The following PPP4R3A variants were observed in gnomAD, a reference collection of about 807,000 sequenced individuals.
PPP4R3A encodes the protein serine/threonine-protein phosphatase 4 regulatory subunit 3A.
A neutral mutation model predicts 91.7 loss-of-function variants in PPP4R3A; 15 were observed. That is an observed-to-expected ratio of 0.16 (90% CI 0.11 to 0.25). PPP4R3A has a LOEUF of 0.25. Ranked by LOEUF, PPP4R3A falls within the 10% of genes least tolerant of loss-of-function variation. The probability of loss-of-function intolerance (pLI) is 1.00; values close to 1 mark genes in which losing one functional copy is unlikely to be tolerated. For missense variants in PPP4R3A, 623 were observed against 998.4 expected, an observed-to-expected ratio of 0.62 and a Z score of 5.07; for synonymous variants, 377 against 348.7, an observed-to-expected ratio of 1.08 and a Z score of -0.91.
intron 6 of PPP4R3A, 145 bp downstream of exon 6, chr14:91,476,263 T>C: frequency 2.7e-6 from 2 of 741,368 alleles, no homozygotes; most frequent in Non-Finnish European, 4.4e-6. Flanking sequence ...CTGTCTAATA[T>C]TGGAATTTTA....
rs1205303479 is a variant in PPP4R3A at position 91,458,706 on chromosome 14, G to T, written c.*53C>A. ...TTGTTGTGGATTTTGTATGGGGGAG[G>T]GGTGGAGAACCAGTTTTTTTCAACA... is the stretch of plus-strand genomic sequence containing the variant. On this transcript the variant is annotated 3_prime_UTR_variant, in exon 15 of 15. Transcript: ENST00000554943. 3 of 1,613,156 alleles carry T rather than the reference G, an allele frequency of 1.9e-6. No individual in the cohort carries two copies. The African/African-American group carries it at 4.0e-5, about 22-fold the overall frequency.
Position 91,475,936 on chromosome 14 carries a change from C to T in PPP4R3A, c.1141G>A (p.Ala381Thr). Reference sequence around the variant, plus strand: ...ACCAAGTATGAGAATATATCAGTAGCAGCACTTCGCACCTGTGTATCATCC... The same window carrying T: ...ACCAAGTATGAGAATATATCAGTAGTAGCACTTCGCACCTGTGTATCATCC... ...GMDDTQVRSA[A>T]TDIFSYLVEY... The change falls in exon 7 of 15, where the codon GCT (alanine) becomes ACT (threonine). Residue 381 changes from alanine (A) to threonine (T), a missense_variant. Ala to Thr is a moderately conservative substitution (Grantham distance 58, BLOSUM62 0). Around this residue, in one of 5 missense-constraint regions of PPP4R3A, gnomAD observed 264 missense variants for 377.3 expected, o/e 0.70. Transcript: ENST00000554943. 6.2e-7 allele frequency: 1 copy of T among 1,605,284 alleles called. No individual in the cohort carries two copies. The highest frequency in any genetic ancestry group is 8.5e-7 in the Non-Finnish European group (1 of 1,177,642).
chr14:91,468,082 T>C (rs1350985419), intron 10 of PPP4R3A, among the ~76,000 whole-genome samples: 1 of 152,168 alleles, frequency 6.6e-6, no homozygotes. Flanking sequence ...GTTAGGAAGA[T>C]ACTTATATAT....
chr14:91,472,499 G>A (rs1057067842), intron 9 of PPP4R3A, among the ~76,000 whole-genome samples: 3 of 140,196 alleles, frequency 2.1e-5, no homozygotes, highest in East Asian at 4.1e-4. Flanking sequence ...TCACTCTGTC[G>A]CCCAGGCTGG....
At chr14:91,485,818 T>A in intron 2 of PPP4R3A, 88 bp from the exon 3 acceptor site, 1 of 882,078 alleles carries the variant, frequency 1.1e-6, no homozygotes, top group Non-Finnish European at 1.7e-6. Flanking sequence ...ACTGTGCTCA[T>A]TTTTACTTTT....
chr14:91,498,615 A>C (rs1162836075), intron 1 of PPP4R3A, among the ~76,000 whole-genome samples: 2 of 152,058 alleles, frequency 1.3e-5, no homozygotes, highest in Non-Finnish European at 2.9e-5. Flanking sequence ...GGATCACTTA[A>C]GCCTGGCTAA....
intron 11 of PPP4R3A, 140 bp downstream of exon 11, chr14:91,465,110 T>A: frequency 1.5e-6 from 1 of 663,788 alleles, no homozygotes; most frequent in Non-Finnish European, 2.2e-6. Flanking sequence ...TTGACTCAAA[T>A]CTCTCACAGG....
chr14:91,497,402 A>T (rs1890647457), intron 1 of PPP4R3A, among the ~76,000 whole-genome samples: 1 of 151,806 alleles, frequency 6.6e-6, no homozygotes, highest in African/African-American at 2.4e-5. Context: ...CACACATCTG[A>T]GAAAGACATT....
In PPP4R3A at chr14:91,509,902, C is replaced by T; in HGVS notation, c.-255G>A. The T allele has an allele frequency of 9.3e-7, 1 of 1,070,852 alleles. No homozygotes were observed. Among genetic ancestry groups the T allele is most frequent in the South Asian group, 4.4e-5 (1 of 22,952 alleles). 66.3% of individuals were successfully genotyped at this position (1,070,852 alleles called of 1,614,324 possible). ...GCCTGGCGAGCCCGGCGCCCGGCAG[C>T]CCCGAGGGGGCCGCGCAGCGCTTCG... On this transcript the variant is annotated 5_prime_UTR_variant, in exon 1 of 15. Transcript: ENST00000554943.
intron 1 of PPP4R3A, among the ~76,000 whole-genome samples, chr14:91,494,654 G>A (rs1890430621): frequency 6.6e-6 from 1 of 152,132 alleles, no homozygotes; most frequent in Non-Finnish European, 1.5e-5. Context: ...CTTGAGGTCA[G>A]GAGTTCGAGA....
intron 3 of PPP4R3A, among the ~76,000 whole-genome samples, chr14:91,482,555 T>C (rs1330539019): frequency 6.6e-6 from 1 of 152,112 alleles, no homozygotes; most frequent in African/African-American, 2.4e-5. Context: ...GGCCCTCTTT[T>C]CCAGCAGACC....
intron 1 of PPP4R3A, among the ~76,000 whole-genome samples, chr14:91,500,556 T>C (rs1050208149): frequency 1.3e-5 from 2 of 152,144 alleles, no homozygotes; most frequent in African/African-American, 4.8e-5. Context: ...AACACTGTAC[T>C]GTTGTATAGC....
intron 11 of PPP4R3A, 116 bp from the exon 12 acceptor site, chr14:91,462,993 A>AT: frequency 2.5e-6 from 2 of 797,478 alleles, no homozygotes; most frequent in Non-Finnish European, 3.9e-6. Flanking sequence ...AAACTACATA[A>AT]TCTTAGAGAT....
chr14:91,458,153 A>C lies in PPP4R3A; in HGVS notation c.*606T>G, dbSNP rs1455754730. 2 of 153,232 alleles carry C rather than the reference A, an allele frequency of 1.3e-5. No individual in the cohort carries two copies. Among genetic ancestry groups the C allele is most frequent in the African/African-American group, 4.8e-5 (2 of 41,442 alleles). 9.5% of individuals were successfully genotyped at this position (153,232 alleles called of 1,614,324 possible). A position where few individuals can be genotyped will look rare whatever the true frequency, so the allele number is the denominator to read the frequency against. ...ATGACCACATCTAGAATTCCACTCAATCTTTAATCAAGTAGGGAGAAGTCC... is the reference window on the plus strand; with the variant it reads ...ATGACCACATCTAGAATTCCACTCACTCTTTAATCAAGTAGGGAGAAGTCC... On this transcript the variant is annotated 3_prime_UTR_variant, in exon 15 of 15. Coordinates refer to ENST00000554943, the MANE Select transcript of PPP4R3A (RefSeq NM_001366432.2).
intron 7 of PPP4R3A, among the ~76,000 whole-genome samples, chr14:91,473,872 C>T (rs1205159817): frequency 8.5e-5 from 13 of 152,060 alleles, no homozygotes; most frequent in Admixed American, 5.9e-4. Context: ...CGGGTTCAAG[C>T]GATTCTCCTG....
intron 14 of PPP4R3A, among the ~76,000 whole-genome samples, chr14:91,460,777 C>G (rs904002134): frequency 1.8e-4 from 28 of 151,714 alleles, no homozygotes; most frequent in Non-Finnish European, 3.8e-4. Context: ...CCCGCCACCA[C>G]GCCTGGCTAA....
chr14:91,481,004 C>T (rs1468347850), intron 4 of PPP4R3A, among the ~76,000 whole-genome samples: 1 of 151,888 alleles, frequency 6.6e-6, no homozygotes, highest in Non-Finnish European at 1.5e-5. Context: ...CACTGCACTC[C>T]AGCCTGGGCA....
At chr14:91,506,545 G>C in intron 1 of PPP4R3A, among the ~76,000 whole-genome samples, 1 of 152,038 alleles carries the variant, frequency 6.6e-6, no homozygotes. Context: ...TTTTTTCTAA[G>C]TCCATGGTGT....
chr14:91,471,083 ATCTCT>A, intron 9 of PPP4R3A, 88 bp from the exon 10 acceptor site: 1 of 1,263,260 alleles, frequency 7.9e-7, no homozygotes, highest in Non-Finnish European at 1.1e-6. Flanking sequence ...ATCAAGTAAA[ATCTCT>A]TCTATTAACC....
Sources: gnomAD v4.1 joint callset for allele counts (sites outside exome capture counted in the v4.1 genomes callset) on GRCh38, gnomAD v4.1.1 for gene constraint, gnomAD v4.1.1 regional missense constraint, MANE v1.5 for transcripts, NCBI Gene and HGNC (gene_info 2026-07-23, HGNC 2026-07-21) for gene names.